The following PAN3 variants were observed in gnomAD, a reference collection of about 807,000 sequenced individuals.
PAN3 encodes poly(A) specific ribonuclease subunit PAN3, also known as PAN2-PAN3 deadenylation complex subunit PAN3.
Under a neutral mutation model 96.2 loss-of-function variants are expected in PAN3, and 19 were observed. That is an observed-to-expected ratio of 0.20 (90% CI 0.14 to 0.29). The LOEUF is 0.29. Ranked by LOEUF, PAN3 falls within the 10% of genes least tolerant of loss-of-function variation. PAN3 has a pLI of 1.00. For synonymous variants in PAN3, 433 were observed against 406.6 expected, an observed-to-expected ratio of 1.06 and a Z score of -0.78; for missense variants, 882 against 1,108.1, an observed-to-expected ratio of 0.80 and a Z score of 2.90.
chr13:28,279,796 TTTTG>T (rs978605186), intron 15 of PAN3, among the ~76,000 whole-genome samples: 13 of 151,808 alleles, frequency 8.6e-5, no homozygotes, highest in African/African-American at 3.1e-4. Context: ...TATTTTTGTT[TTTTG>T]TTTGTTTCCT....
chr13:28,204,996 T>C (rs1264109249), intron 5 of PAN3, among the ~76,000 whole-genome samples: 3 of 152,186 alleles, frequency 2.0e-5, no homozygotes, highest in Non-Finnish European at 4.4e-5. Flanking sequence ...TTAAATGGCA[T>C]TTTTTGTAAG....
chr13:28,167,081 A>ATTTTT (rs1566151683), intron 1 of PAN3, among the ~76,000 whole-genome samples: 5 of 127,616 alleles, frequency 3.9e-5, no homozygotes, highest in African/African-American at 1.6e-4. Flanking sequence ...TTTTTATCTT[A>ATTTTT]ATTTTTTTTT....
chr13:28,140,432 A>C (rs1379044303), intron 1 of PAN3, among the ~76,000 whole-genome samples: 1 of 152,192 alleles, frequency 6.6e-6, no homozygotes, highest in Non-Finnish European at 1.5e-5. Context: ...TAGGCAGTTC[A>C]ATTTGTACAT....
chr13:28,272,291 G>C (rs1041411346), intron 14 of PAN3: 1 of 334,328 alleles, frequency 3.0e-6, no homozygotes, highest in Non-Finnish European at 5.3e-6. Context: ...CTATTCTTTT[G>C]CTTCTGTCTT....
intron 10 of PAN3, 96 bp downstream of exon 10, chr13:28,266,972 A>T (rs1202392582): frequency 3.1e-6 from 4 of 1,285,460 alleles, no homozygotes; most frequent in Non-Finnish European, 4.1e-6. Flanking sequence ...TGAATTAAAA[A>T]TTTTTATTTG....
intron 6 of PAN3, among the ~76,000 whole-genome samples, chr13:28,236,540 G>T (rs997286352): frequency 2.0e-4 from 31 of 152,178 alleles, no homozygotes; most frequent in African/African-American, 7.2e-4. Flanking sequence ...CATGGAAGAA[G>T]AACTGAGATG....
intron 6 of PAN3, among the ~76,000 whole-genome samples, chr13:28,225,350 GT>G (rs1881883295): frequency 6.6e-6 from 1 of 152,144 alleles, no homozygotes. Context: ...TAAGCAGATC[GT>G]TTTCAGTTTA....
chr13:28,230,967 A>G (rs937944840), intron 6 of PAN3, among the ~76,000 whole-genome samples: 1 of 152,190 alleles, frequency 6.6e-6, no homozygotes, highest in African/African-American at 2.4e-5. Context: ...AGTAAGTGTT[A>G]TTATTTAAAA....
chr13:28,216,359 A>T (rs1461512580), intron 5 of PAN3, among the ~76,000 whole-genome samples: 5 of 152,320 alleles, frequency 3.3e-5, no homozygotes, highest in African/African-American at 1.2e-4. Context: ...AGAGGGGTTT[A>T]TAAGAGGCCT....
chr13:28,283,085 A>G (rs7335866), intron 17 of PAN3, among the ~76,000 whole-genome samples: 91,125 of 151,538 alleles, frequency 0.6, 29,241 homozygotes, highest in Admixed American at 0.73. Context: ...ATCTCGCTCT[A>G]TCCCCCAGGC....
At chr13:28,210,416 A>G (rs1217558457) in intron 5 of PAN3, among the ~76,000 whole-genome samples, 2 of 152,200 alleles carry the variant, frequency 1.3e-5, no homozygotes, top group African/African-American at 4.8e-5. Context: ...GAATGCTAAT[A>G]TGAATCTTTT....
chr13:28,272,266 T>A, intron 14 of PAN3, 195 bp downstream of exon 14: 1 of 397,280 alleles, frequency 2.5e-6, no homozygotes, highest in South Asian at 4.5e-5. Flanking sequence ...TATTTCTTTC[T>A]CTCTCTTTTC....
Position 28,292,623 on chromosome 13 carries a change from G to A in PAN3, c.*101G>A, listed in dbSNP as rs549318915. The A allele has an allele frequency of 7.3e-5, 91 of 1,239,350 alleles. No individual in the cohort carries two copies. The highest frequency in any genetic ancestry group is 3.1e-4 in the Admixed American group (12 of 38,732). 76.8% of individuals were successfully genotyped at this position (1,239,350 alleles called of 1,614,324 possible). On this transcript the variant is annotated 3_prime_UTR_variant, in exon 19 of 19. Coordinates refer to ENST00000380958, the MANE Select transcript of PAN3 (RefSeq NM_175854.8). ...ATCATCTCATTCACATTTGGGAAAC[G>A]AACAGGAGATGAGCAAAGCTGCTTG...
intron 17 of PAN3, among the ~76,000 whole-genome samples, chr13:28,284,160 A>C (rs76852615): frequency 6.6e-6 from 1 of 152,166 alleles, no homozygotes; most frequent in African/African-American, 2.4e-5. Context: ...TACTTTTTTC[A>C]AACTCTTAGA....
intron 18 of PAN3, among the ~76,000 whole-genome samples, chr13:28,289,556 C>G (rs1272324993): frequency 1.3e-5 from 2 of 152,186 alleles, no homozygotes; most frequent in Non-Finnish European, 2.9e-5. Context: ...TAGCCGTGAG[C>G]CACCACGCCC....
intron 6 of PAN3, among the ~76,000 whole-genome samples, chr13:28,242,163 A>G (rs1487351546): frequency 3.3e-5 from 5 of 152,188 alleles, no homozygotes; most frequent in Middle Eastern, 3.4e-3. Flanking sequence ...GGGTTGTTTC[A>G]TGTTTGCTTT....
Position 28,280,441 on chromosome 13 carries a change from G to A in PAN3, c.2219G>A (p.Arg740Gln), listed in dbSNP as rs769103468. 41 of 1,611,642 alleles carry A rather than the reference G, an allele frequency of 2.5e-5. No homozygotes were observed. The highest frequency in any genetic ancestry group is 1.1e-4 in the South Asian group (10 of 90,628). The change falls in exon 16 of 19, where the codon CGA (arginine) becomes CAA (glutamine). Residue 740 changes from arginine (R) to glutamine (Q), a missense_variant. Arg to Gln is a conservative substitution (Grantham distance 43, BLOSUM62 1). This residue lies in a region of PAN3 where 364 missense variants were observed against 513.6 expected (regional missense o/e 0.71). Transcript: ENST00000380958. ...TTGTTGACTGACCAAAACAGGATGCGAAGTGTAAATGACATCATGCCCATG... is the reference window on the plus strand; with the variant it reads ...TTGTTGACTGACCAAAACAGGATGCAAAGTGTAAATGACATCATGCCCATG... ...LYLLTDQNRMRSVNDIMPMIG... is the reference protein window; with the variant it reads ...LYLLTDQNRMQSVNDIMPMIG...
At chr13:28,268,239 A>G (rs150418377) in intron 12 of PAN3, among the ~76,000 whole-genome samples, 3 of 152,038 alleles carry the variant, frequency 2.0e-5, no homozygotes, top group African/African-American at 7.2e-5. Flanking sequence ...TTAACCTTTT[A>G]TATCATATTA....
intron 5 of PAN3, among the ~76,000 whole-genome samples, chr13:28,211,593 G>C (rs945355096): frequency 6.6e-6 from 1 of 152,162 alleles, no homozygotes; most frequent in African/African-American, 2.4e-5. Context: ...CTCTCTCCTA[G>C]TGGGTGTTTA....
Sources: allele counts gnomAD v4.1 joint callset (sites outside exome capture counted in the v4.1 genomes callset), GRCh38; gene constraint gnomAD v4.1.1; regional missense constraint gnomAD v4.1.1; transcripts MANE v1.5; gene names NCBI Gene and HGNC (gene_info 2026-07-23, HGNC 2026-07-21).